GPC5: variants seen among roughly 807,000 people sequenced by gnomAD.
GPC5 encodes the protein glypican 5.
In GPC5, 47 loss-of-function variants were observed where a neutral mutation model predicts 53.9. The observed-to-expected ratio is 0.87, with a 90% CI of 0.69 to 1.11. The LOEUF is 1.11. Ranked by LOEUF, GPC5 falls within the 50% of genes most tolerant of loss-of-function variation. The pLI is 0.00. For synonymous variants in GPC5, 286 were observed against 263.3 expected, an observed-to-expected ratio of 1.09 and a Z score of -0.84; for missense variants, 748 against 713.1, an observed-to-expected ratio of 1.05 and a Z score of -0.56.
At chr13:92,485,997 T>G (rs560137075) in intron 7 of GPC5, among the ~76,000 whole-genome samples, 4 of 152,136 alleles carry the variant, frequency 2.6e-5, no homozygotes, top group Admixed American at 2.6e-4. Flanking sequence ...TTAAAAATTA[T>G]GTAGTTAGAT....
chr13:92,016,841 T>C lies in GPC5; in HGVS notation c.1401+108784T>C, dbSNP rs147255744. ...CTTCTGGGTTCACTCAGTTCTCCTC[T>C]TCAGCCGAGTCTCCACTAATATCAT... is the stretch of plus-strand genomic sequence containing the variant. On this transcript the variant is annotated intron_variant, in intron 6 of 7. Transcript: ENST00000377067. Among the ~76,000 whole-genome samples the C allele has an allele frequency of 6.3e-4, 95 of 151,618 alleles. 1 individual carries two copies. In the East Asian group the frequency reaches 0.017, roughly 27 times the overall value.
intron 6 of GPC5, among the ~76,000 whole-genome samples, chr13:92,079,721 TG>T (rs2041280419): frequency 6.6e-6 from 1 of 152,232 alleles, no homozygotes; most frequent in South Asian, 2.1e-4. Flanking sequence ...TAGACCGCAG[TG>T]TATAACATTT....
At chr13:92,615,403 T>G (rs1167309246) in intron 7 of GPC5, among the ~76,000 whole-genome samples, 1 of 152,182 alleles carries the variant, frequency 6.6e-6, no homozygotes, top group Non-Finnish European at 1.5e-5. Flanking sequence ...AACCTGTCAA[T>G]GTGCCCCCAT....
At chr13:92,731,890 T>A (rs1430469350) in intron 7 of GPC5, among the ~76,000 whole-genome samples, 1 of 151,464 alleles carries the variant, frequency 6.6e-6, no homozygotes, top group Non-Finnish European at 1.5e-5. Flanking sequence ...TCTTTGAATT[T>A]GGAGAGCTAT....
chr13:92,513,471 G>GT (rs35892694), intron 7 of GPC5, among the ~76,000 whole-genome samples: 13,089 of 93,342 alleles, frequency 0.14, 705 homozygotes, highest in African/African-American at 0.18. Context: ...GCTTTTTTCT[G>GT]TTTTTTTTTT....
At chr13:92,522,111 G>C in intron 7 of GPC5, among the ~76,000 whole-genome samples, 1 of 152,130 alleles carries the variant, frequency 6.6e-6, no homozygotes, top group East Asian at 1.9e-4. Context: ...TAAAAAGTCA[G>C]GAAACAACAG....
intron 2 of GPC5, among the ~76,000 whole-genome samples, chr13:91,584,529 C>T (rs2032486660): frequency 6.6e-6 from 1 of 151,616 alleles, no homozygotes; most frequent in African/African-American, 2.4e-5. Context: ...TTTAGAAAGA[C>T]ATAAAATTCA....
chr13:92,326,698 C>T (rs776903380), intron 7 of GPC5, among the ~76,000 whole-genome samples: 9 of 152,084 alleles, frequency 5.9e-5, no homozygotes, highest in Non-Finnish European at 1.0e-4. Context: ...GGGATCATAA[C>T]GTAAGAGCCC....
At chr13:92,580,927 C>T (rs1417607045) in intron 7 of GPC5, among the ~76,000 whole-genome samples, 1 of 152,062 alleles carries the variant, frequency 6.6e-6, no homozygotes, top group African/African-American at 2.4e-5. Context: ...TCTACAGAAA[C>T]AACCAAAGTT....
At chr13:92,005,714 G>A (rs531871299) in intron 6 of GPC5, among the ~76,000 whole-genome samples, 25 of 152,200 alleles carry the variant, frequency 1.6e-4, no homozygotes, top group African/African-American at 5.5e-4. Flanking sequence ...ATATCTCCCT[G>A]CACCCAGGAC....
At chr13:91,484,152 C>T (rs919405901) in intron 2 of GPC5, among the ~76,000 whole-genome samples, 7 of 152,112 alleles carry the variant, frequency 4.6e-5, no homozygotes, top group African/African-American at 1.7e-4. Flanking sequence ...TCTGATATCT[C>T]ATTTGCTACT....
chr13:92,206,018 C>A (rs975418727), intron 7 of GPC5, among the ~76,000 whole-genome samples: 2 of 134,890 alleles, frequency 1.5e-5, no homozygotes. Context: ...CTCCAGCCTG[C>A]GCCATGGGAG....
At chr13:91,499,712 C>T (rs1390108171) in intron 2 of GPC5, among the ~76,000 whole-genome samples, 4 of 152,198 alleles carry the variant, frequency 2.6e-5, no homozygotes, top group Non-Finnish European at 4.4e-5. Context: ...CATACAGTTA[C>T]TCTTCTGCCA....
intron 7 of GPC5, among the ~76,000 whole-genome samples, chr13:92,642,490 T>C (rs76487157): frequency 0.028 from 4,210 of 152,270 alleles, 194 homozygotes; most frequent in African/African-American, 0.095. Flanking sequence ...CAGGTCTGTA[T>C]ATTATTAGAC....
chr13:91,405,069 G>A (rs77269462), intron 1 of GPC5, among the ~76,000 whole-genome samples: 8,394 of 152,164 alleles, frequency 0.055, 309 homozygotes, highest in Non-Finnish European at 0.079. Flanking sequence ...CACCTTTGTC[G>A]TTAGAACTGT....
intron 7 of GPC5, among the ~76,000 whole-genome samples, chr13:92,311,269 A>G (rs1426157594): frequency 2.6e-5 from 4 of 152,244 alleles, no homozygotes; most frequent in Non-Finnish European, 5.9e-5. Context: ...TAGCATGTGC[A>G]GGAACTCTCC....
At chr13:92,832,324 T>A (rs1344360406) in intron 7 of GPC5, among the ~76,000 whole-genome samples, 1 of 152,212 alleles carries the variant, frequency 6.6e-6, no homozygotes, top group Non-Finnish European at 1.5e-5. Flanking sequence ...AGTTTGGCAT[T>A]AATTTGGGCA....
rs2042033490 is a variant in GPC5 at position 92,166,945 on chromosome 13, C to CTCTCTA, written c.1561+21961_1561+21962insATCTCT. 4.1e-4 allele frequency among the ~76,000 whole-genome samples: 28 copies of CTCTCTA among 67,900 alleles called. No individual in the cohort carries two copies. The Admixed American group carries it at 4.2e-3, about 10-fold the overall frequency. The allele number at this position is 67,900 out of a possible 152,430, so 44.5% of individuals were successfully genotyped here. A position where few individuals can be genotyped will look rare whatever the true frequency, so the allele number is the denominator to read the frequency against. On this transcript the variant is annotated intron_variant, in intron 7 of 7. Coordinates refer to ENST00000377067, the MANE Select transcript of GPC5 (RefSeq NM_004466.6). ...AGTCTCTCTCTCTCTCTCTCTCTCTCTCTCTCTCTCTCACACACACACACA... is the reference window on the plus strand; with the variant it reads ...AGTCTCTCTCTCTCTCTCTCTCTCTCTCTCTATCTCTCTCTCTCACACACACACACA...
chr13:92,483,876 C>T (rs1879451345), intron 7 of GPC5, among the ~76,000 whole-genome samples: 1 of 151,878 alleles, frequency 6.6e-6, no homozygotes, highest in Non-Finnish European at 1.5e-5. Context: ...ATCTGTAATC[C>T]CAGCACTCTG....
Sources: allele counts gnomAD v4.1 joint callset (sites outside exome capture counted in the v4.1 genomes callset), GRCh38; gene constraint gnomAD v4.1.1; transcripts MANE v1.5; gene names NCBI Gene and HGNC (gene_info 2026-07-23, HGNC 2026-07-21).